The following CCDC181 variants were observed in gnomAD, a reference collection of about 807,000 sequenced individuals.
CCDC181 encodes coiled-coil domain-containing protein 181.
Under a neutral mutation model 58.7 loss-of-function variants are expected in CCDC181, and 35 were observed. The ratio of observed to expected loss-of-function variants is 0.60; its 90% confidence interval spans 0.46 to 0.79. CCDC181 has a LOEUF of 0.79. Among genes scored for constraint, CCDC181 ranks in the 30% least tolerant of loss-of-function variants. The pLI, the probability that CCDC181 is intolerant of heterozygous loss-of-function variation, is 0.00. For synonymous variants in CCDC181, 183 were observed against 197.5 expected, an observed-to-expected ratio of 0.93 and a Z score of 0.62; for missense variants, 517 against 583.9, an observed-to-expected ratio of 0.89 and a Z score of 1.18.
At chr1:169,404,015 CAG>C (rs1655510536) in intron 4 of CCDC181, among the ~76,000 whole-genome samples, 1 of 152,202 alleles carries the variant, frequency 6.6e-6, no homozygotes, top group Non-Finnish European at 1.5e-5. Flanking sequence ...AAACTACCAT[CAG>C]AGAATACTAT....
chr1:169,423,092 C>T (rs1656559548), intron 2 of CCDC181, among the ~76,000 whole-genome samples: 1 of 145,496 alleles, frequency 6.9e-6, no homozygotes, highest in African/African-American at 2.5e-5. Flanking sequence ...TTCTCTTTGT[C>T]AAAGTTCTCT....
rs779152494 is a variant in CCDC181, at chr1:169,422,326, T to C, written c.118-13A>G. Reference sequence around the variant, plus strand: ...TCTCACAAGCCATCTAAAAACAAGATATTTTTCAGTCAAAATTGAGATTCT... The same window carrying C: ...TCTCACAAGCCATCTAAAAACAAGACATTTTTCAGTCAAAATTGAGATTCT... On this transcript the variant is annotated splice_polypyrimidine_tract_variant and intron_variant, in intron 2 of 5. Coordinates refer to ENST00000367806, the MANE Select transcript of CCDC181 (RefSeq NM_001300969.2). 3.3e-6 allele frequency: 5 copies of C among 1,497,878 alleles called. No homozygotes were observed. The highest frequency in any genetic ancestry group is 4.2e-5 in the Admixed American group (2 of 48,012). 92.8% of individuals were successfully genotyped at this position (1,497,878 alleles called of 1,614,324 possible).
chr1:169,403,568 G>C (rs899493810), intron 4 of CCDC181, among the ~76,000 whole-genome samples: 9 of 151,890 alleles, frequency 5.9e-5, no homozygotes, highest in Admixed American at 2.0e-4. Flanking sequence ...CTACTGGGTA[G>C]ATAACGAAAT....
Position 169,421,856 on chromosome 1 carries a change from G to A in CCDC181, c.575C>T (p.Ser192Phe). The change falls in exon 3 of 6, where the codon TCC becomes TTC. Residue 192 changes from serine (S) to phenylalanine (F), a missense_variant. Coordinates refer to ENST00000367806, the MANE Select transcript of CCDC181 (RefSeq NM_001300969.2). ...MFGKLSQLCI[S>F]NDFGQEDVLL... ...CACATCTTCTTGTCCAAAATCATTG[G>A]AAATACATAATTGTGACAGTTTCCC... is the stretch of plus-strand genomic sequence containing the variant. 6.2e-7 allele frequency: 1 copy of A among 1,613,810 alleles called. No individual in the cohort carries two copies. The highest frequency in any genetic ancestry group is 8.5e-7 in the Non-Finnish European group (1 of 1,179,930).
chr1:169,404,457 C>G (rs1655536923), intron 4 of CCDC181, among the ~76,000 whole-genome samples: 1 of 152,162 alleles, frequency 6.6e-6, no homozygotes, highest in Non-Finnish European at 1.5e-5. Flanking sequence ...AAAAGCTTAT[C>G]CACCATGATC....
chr1:169,455,080 T>C (rs958151149), intron 2 of CCDC181, among the ~76,000 whole-genome samples: 18 of 152,000 alleles, frequency 1.2e-4, no homozygotes, highest in African/African-American at 3.9e-4. Context: ...ATTTTTTCTA[T>C]TCATTTTCCT....
chr1:169,448,227 TAAG>T (rs1401081438), intron 2 of CCDC181, among the ~76,000 whole-genome samples: 6 of 152,112 alleles, frequency 3.9e-5, no homozygotes, highest in Admixed American at 3.9e-4. Flanking sequence ...AGTTTAGTGT[TAAG>T]AATAAGAAAA....
upstream of CCDC181, among the ~76,000 whole-genome samples, chr1:169,431,669 T>A (rs78889599): frequency 7.0e-3 from 1,059 of 152,278 alleles, 14 homozygotes; most frequent in African/African-American, 0.024. Context: ...TTCAGTATCA[T>A]CTACCCAACC....
upstream of CCDC181, among the ~76,000 whole-genome samples, chr1:169,431,579 G>C (rs1406799809): frequency 2.0e-5 from 3 of 152,168 alleles, no homozygotes; most frequent in Non-Finnish European, 4.4e-5. Context: ...TGGAACTGTG[G>C]AGTCTATTAA....
rs138579594 is a variant in CCDC181, at chr1:169,446,264, T to C, written c.-24+13533A>G. Among the ~76,000 whole-genome samples the C allele has an allele frequency of 1.7e-3, 252 of 152,106 alleles. 1 individual carries two copies. Among genetic ancestry groups the C allele is most frequent in the African/African-American group, 5.6e-3 (234 of 41,518 alleles). ...ATCAAGACCATCTTGGCCAACATCA[T>C]GAAACCTCATCTCTACTAAAAATAC... On this transcript the variant is annotated intron_variant, in intron 2 of 6. Coordinates refer to the CCDC181 transcript ENST00000545005.
chr1:169,456,051 G>A (rs764242453), intron 2 of CCDC181, among the ~76,000 whole-genome samples: 1 of 151,904 alleles, frequency 6.6e-6, no homozygotes, highest in Non-Finnish European at 1.5e-5. Context: ...TCTACTTTCT[G>A]CAGGAAAGTT....
chr1:169,415,562 A>G lies in CCDC181; in HGVS notation c.1215+3451T>C, dbSNP rs1656178722. On this transcript the variant is annotated intron_variant, in intron 4 of 5. Coordinates refer to ENST00000367806, the MANE Select transcript of CCDC181 (RefSeq NM_001300969.2). ...CTGCATTTTCTACCATACTTCAAGT[A>G]CTTCGGTGGTCAGACAAATAAATTA... 2.0e-5 allele frequency among the ~76,000 whole-genome samples: 3 copies of G among 152,334 alleles called. No homozygotes were observed. The South Asian group carries it at 6.2e-4, about 32-fold the overall frequency.
intron 4 of CCDC181, among the ~76,000 whole-genome samples, chr1:169,406,564 G>A (rs191604079): frequency 3.7e-4 from 57 of 152,166 alleles, no homozygotes; most frequent in Admixed American, 9.8e-4. Context: ...ACCAAACACC[G>A]CATGTTCTCA....
chr1:169,408,581 A>G (rs1655798436), intron 4 of CCDC181, among the ~76,000 whole-genome samples: 1 of 152,052 alleles, frequency 6.6e-6, no homozygotes, highest in East Asian at 1.9e-4. Context: ...TGGGTCCCTA[A>G]CCCCCGCGCC....
intron 2 of CCDC181, among the ~76,000 whole-genome samples, chr1:169,435,179 G>C (rs1462609714): frequency 1.3e-5 from 2 of 151,994 alleles, no homozygotes; most frequent in Non-Finnish European, 2.9e-5. Context: ...CAACATTGAT[G>C]AACCTTGAAA....
chr1:169,399,465 T>C (rs1655222176), intron 4 of CCDC181, among the ~76,000 whole-genome samples: 1 of 152,184 alleles, frequency 6.6e-6, no homozygotes. Context: ...CAAGGTAAAT[T>C]ACAGCAGAAC....
chr1:169,444,183 T>C (rs966986228), intron 2 of CCDC181, among the ~76,000 whole-genome samples: 2 of 152,150 alleles, frequency 1.3e-5, no homozygotes, highest in African/African-American at 4.8e-5. Context: ...ACACCCTTCA[T>C]TGGGAAAACT....
chr1:169,402,181 T>A (rs562325231), intron 4 of CCDC181, among the ~76,000 whole-genome samples: 2 of 152,290 alleles, frequency 1.3e-5, no homozygotes, highest in Non-Finnish European at 2.9e-5. Flanking sequence ...TACGTCTGAT[T>A]GGTGTACCTG....
intron 4 of CCDC181, among the ~76,000 whole-genome samples, chr1:169,409,055 A>C (rs1215854127): frequency 6.6e-6 from 1 of 152,226 alleles, no homozygotes; most frequent in Admixed American, 6.5e-5. Context: ...AATTGACGGA[A>C]GTAGGCTTCA....
Sources: gnomAD v4.1 joint callset for allele counts (sites outside exome capture counted in the v4.1 genomes callset) on GRCh38, gnomAD v4.1.1 for gene constraint, MANE v1.5 for transcripts, NCBI Gene and HGNC (gene_info 2026-07-23, HGNC 2026-07-21) for gene names.